The following CCDC157 variants were observed in gnomAD, a reference collection of about 807,000 sequenced individuals.
CCDC157 encodes coiled-coil domain-containing protein 157.
CCDC157 carries 60 observed loss-of-function variants against 70.9 expected under a neutral mutation model. That is an observed-to-expected ratio of 0.85 (90% CI 0.69 to 1.05). The LOEUF is 1.05. CCDC157 is among the 50% of genes least tolerant of loss of function. The pLI, the probability that CCDC157 is intolerant of heterozygous loss-of-function variation, is 0.00. For synonymous variants in CCDC157, 373 were observed against 422.4 expected, an observed-to-expected ratio of 0.88 and a Z score of 1.43; for missense variants, 943 against 984.2, an observed-to-expected ratio of 0.96 and a Z score of 0.56.
rs753761288 is a variant in CCDC157 at position 30,370,698 on chromosome 22, A to G, written c.793A>G (p.Arg265Gly). 69 of 1,613,350 alleles carry G rather than the reference A, an allele frequency of 4.3e-5. No individual in the cohort carries two copies. The highest frequency in any genetic ancestry group is 5.7e-5 in the Non-Finnish European group (67 of 1,179,856). The change falls in exon 5 of 12, where the codon AGG (arginine) becomes GGG (glycine). Residue 265 changes from arginine (R) to glycine (G), a missense_variant. Transcript: ENST00000338306. ...QQLVQDSMGL[R>G]PLPAATVGRW... ...ACTGGTGCAGGACAGCATGGGGCTCAGGCCACTGCCGGCTGCCACCGTGGG... is the reference window on the plus strand; with the variant it reads ...ACTGGTGCAGGACAGCATGGGGCTCGGGCCACTGCCGGCTGCCACCGTGGG...
At chr22:30,365,730 T>C (rs1400759270) in intron 2 of CCDC157, among the ~76,000 whole-genome samples, 1 of 152,148 alleles carries the variant, frequency 6.6e-6, no homozygotes, top group Non-Finnish European at 1.5e-5. Context: ...GGGCCCAACA[T>C]ACACAAGCCC....
intron 1 of CCDC157, among the ~76,000 whole-genome samples, chr22:30,360,770 G>A (rs894715596): frequency 2.4e-4 from 37 of 152,042 alleles, no homozygotes; most frequent in African/African-American, 7.7e-4. Flanking sequence ...AAAATTGGCC[G>A]GGCATGGTGG....
intron 2 of CCDC157, among the ~76,000 whole-genome samples, 185 bp downstream of exon 2, chr22:30,362,299 C>A (rs1042440971): frequency 6.6e-6 from 1 of 152,200 alleles, no homozygotes; most frequent in Non-Finnish European, 1.5e-5. Context: ...AATAATGATT[C>A]CATTCTGGCG....
chr22:30,365,880 G>T lies in CCDC157; in HGVS notation c.-11-110G>T, dbSNP rs1601723885. 3 of 1,078,708 alleles carry T rather than the reference G, an allele frequency of 2.8e-6. No homozygotes were observed. In the East Asian group the frequency reaches 7.8e-5, roughly 28 times the overall value. 66.8% of individuals were successfully genotyped at this position (1,078,708 alleles called of 1,614,324 possible). ...GGAAACAGACTTCTCCCCAGGGTCT[G>T]GGGTGAACTTCCGGCCTAGCAGCTC... On this transcript the variant is annotated intron_variant, in intron 2 of 11. Transcript: ENST00000338306.
chr22:30,374,695 T>C (rs1252063178), intron 9 of CCDC157: 3 of 456,752 alleles, frequency 6.6e-6, no homozygotes, highest in Non-Finnish European at 8.8e-6. Flanking sequence ...CTCAACCACC[T>C]TGTGAGGCAG....
intron 9 of CCDC157, chr22:30,374,458 C>T (rs1428618686): frequency 2.1e-6 from 1 of 478,330 alleles, no homozygotes; most frequent in Non-Finnish European, 4.1e-6. Flanking sequence ...CCAAACCACA[C>T]CATGGGACTA....
Position 30,377,860 on chromosome 22 carries a change from G to C in CCDC157, c.*1115G>C, listed in dbSNP as rs1933441122. The C allele has an allele frequency of 1.2e-5, 4 of 341,896 alleles. No homozygotes were observed. The Admixed American group carries it at 1.5e-4, about 13-fold the overall frequency. 21.2% of individuals were successfully genotyped at this position (341,896 alleles called of 1,614,324 possible). A position where few individuals can be genotyped will look rare whatever the true frequency, so the allele number is the denominator to read the frequency against. On this transcript the variant is annotated 3_prime_UTR_variant, in exon 12 of 12. Transcript: ENST00000338306. ...CAGGCGCCCACCAACTCCGTGCCAT[G>C]TATTCATTAGCTCCCAGTTCTGGCA...
At chr22:30,369,769 G>A (rs1179203281) in intron 4 of CCDC157, 166 bp downstream of exon 4, 9 of 548,888 alleles carry the variant, frequency 1.6e-5, no homozygotes, top group Non-Finnish European at 2.4e-5. Context: ...ACAGTGTGGC[G>A]GTTAAGAACG....
At chr22:30,376,231 A>G in intron 10 of CCDC157, 28 bp from the exon 11 acceptor site, 1 of 1,559,512 alleles carries the variant, frequency 6.4e-7, no homozygotes, top group East Asian at 2.2e-5. Flanking sequence ...GGGCCCTTAT[A>G]AGACTGGCTT....
At chr22:30,369,341 C>A in intron 3 of CCDC157, 91 bp from the exon 4 acceptor site, 1 of 1,185,272 alleles carries the variant, frequency 8.4e-7, no homozygotes, top group Non-Finnish European at 1.1e-6. Flanking sequence ...GATGCCTGGG[C>A]CAGTTCCCCA....
chr22:30,368,408 G>A (rs773082491), intron 3 of CCDC157, among the ~76,000 whole-genome samples: 2 of 152,234 alleles, frequency 1.3e-5, no homozygotes, highest in Non-Finnish European at 2.9e-5. Flanking sequence ...CTCTGGCTGA[G>A]TTAGAGTGGT....
At chr22:30,369,754 C>T in intron 4 of CCDC157, 151 bp downstream of exon 4, 2 of 606,364 alleles carry the variant, frequency 3.3e-6, no homozygotes, top group East Asian at 3.1e-5. Context: ...CCAATCAAGC[C>T]CCACACAGTG....
upstream of CCDC157, chr22:30,356,739 C>T (rs1462295168): frequency 5.3e-6 from 8 of 1,496,124 alleles, no homozygotes; most frequent in Non-Finnish European, 7.1e-6. Flanking sequence ...CCTGTTTGGG[C>T]TCCGTGGGCA....
chr22:30,365,917 A>C, intron 2 of CCDC157, 73 bp from the exon 3 acceptor site: 1 of 1,390,368 alleles, frequency 7.2e-7, no homozygotes, highest in South Asian at 1.3e-5. Flanking sequence ...TGGGCAGATG[A>C]GGGTTTCAGG....
intron 9 of CCDC157, 33 bp from the exon 10 acceptor site, chr22:30,375,446 C>T: frequency 4.3e-6 from 7 of 1,611,090 alleles, no homozygotes; most frequent in Non-Finnish European, 5.9e-6. Context: ...GCTGGTGTGC[C>T]TCCCTTCTAA....
Position 30,378,453 on chromosome 22 carries a change from A to AC in CCDC157, c.*1712dup, listed in dbSNP as rs1173629649. ...AGACCAGCCTGACCAACATGGAGAAACCCCGTCTCTACTAAAAATACAAAA... is the reference window on the plus strand; with the variant it reads ...AGACCAGCCTGACCAACATGGAGAAACCCCCGTCTCTACTAAAAATACAAAA... On this transcript the variant is annotated 3_prime_UTR_variant, in exon 12 of 12. Transcript: ENST00000338306. The AC allele has an allele frequency of 1.1e-5, 2 of 178,942 alleles. No homozygotes were observed. Among genetic ancestry groups the AC allele is most frequent in the Non-Finnish European group, 2.4e-5 (2 of 82,848 alleles). 11.1% of individuals were successfully genotyped at this position (178,942 alleles called of 1,614,324 possible).
At position 30,376,347 on chromosome 22, in the gene CCDC157, G is replaced by A. The variant is rs1205624099; in HGVS notation, c.1946G>A (p.Gly649Glu). The stretch of plus-strand genomic sequence containing the variant: ...GTCCAGGCCAAGAGCACATCCCCAG[G>A]GTGAGTGAGGCTTTACTGGAGGTGG... ...PPVQAKSTSP[G>E]PLGRQHLPSS... The change falls in exon 11 of 12, where the codon GGG (glycine) becomes GAG (glutamate). Residue 649 changes from glycine (G) to glutamate (E), a missense_variant and splice_region_variant. Coordinates refer to ENST00000338306, the MANE Select transcript of CCDC157 (RefSeq NM_001017437.5). The A allele has an allele frequency of 6.2e-7, 1 of 1,613,618 alleles. No individual in the cohort carries two copies. Among genetic ancestry groups the A allele is most frequent in the Non-Finnish European group, 8.5e-7 (1 of 1,179,900 alleles).
In CCDC157 at chr22:30,370,677, G is replaced by A; in HGVS notation, c.772G>A (p.Val258Met). 4.3e-6 allele frequency: 7 copies of A among 1,613,772 alleles called. No homozygotes were observed. The highest frequency in any genetic ancestry group is 5.9e-6 in the Non-Finnish European group (7 of 1,179,934). The change falls in exon 5 of 12, where the codon GTG becomes ATG. Residue 258 changes from valine to methionine, a missense_variant. Coordinates refer to ENST00000338306, the MANE Select transcript of CCDC157 (RefSeq NM_001017437.5). ...GTCCTTAGGCCAGTTCCAGCAACTGGTGCAGGACAGCATGGGGCTCAGGCC... is the reference window on the plus strand; with the variant it reads ...GTCCTTAGGCCAGTTCCAGCAACTGATGCAGGACAGCATGGGGCTCAGGCC... The part of the protein sequence containing the change: ...PSSLGQFQQL[V>M]QDSMGLRPLP...
chr22:30,375,221 T>G (rs1933263239), intron 9 of CCDC157: 1 of 397,618 alleles, frequency 2.5e-6, no homozygotes, highest in Admixed American at 4.5e-5. Flanking sequence ...CCTCCCAAAG[T>G]GCTGGGATTA....
Sources: gnomAD v4.1 joint callset for allele counts (sites outside exome capture counted in the v4.1 genomes callset) on GRCh38, gnomAD v4.1.1 for gene constraint, MANE v1.5 for transcripts, NCBI Gene and HGNC (gene_info 2026-07-23, HGNC 2026-07-21) for gene names.